The following ZDHHC1 variants were observed in gnomAD, a reference collection of about 807,000 sequenced individuals.
The protein encoded by ZDHHC1 is palmitoyltransferase ZDHHC1.
In ZDHHC1, 45 loss-of-function variants were observed where a neutral mutation model predicts 46.9. The observed-to-expected ratio is 0.96, with a 90% CI of 0.76 to 1.23. The LOEUF (loss-of-function observed/expected upper bound fraction) is 1.23, where lower values mean the gene tolerates loss of function less well. Ranked by LOEUF, ZDHHC1 falls within the 50% of genes most tolerant of loss-of-function variation. The pLI is 0.00. For missense variants in ZDHHC1, 649 were observed against 670.8 expected, an observed-to-expected ratio of 0.97 and a Z score of 0.36; for synonymous variants, 291 against 286.0, an observed-to-expected ratio of 1.02 and a Z score of -0.18.
chr16:67,400,813 T>C (rs1011640464), intron 4 of ZDHHC1, 144 bp downstream of exon 4: 3 of 909,152 alleles, frequency 3.3e-6, no homozygotes, highest in Non-Finnish European at 5.0e-6. Context: ...AGTAACCCAA[T>C]ACTCTGTCAC....
In ZDHHC1 at chr16:67,406,045, C is replaced by A. The variant is rs1018389236; in HGVS notation, c.252+155G>T. Among the ~76,000 whole-genome samples the A allele has an allele frequency of 2.6e-5, 4 of 152,174 alleles. No homozygotes were observed. The highest frequency in any genetic ancestry group is 6.5e-5 in the Admixed American group (1 of 15,284). On this transcript the variant is annotated intron_variant, in intron 3 of 11. Coordinates refer to ENST00000565726, the MANE Select transcript of ZDHHC1 (RefSeq NM_001323627.2). The surrounding 1 kb of genome is among the most constrained non-coding windows in gnomAD (Gnocchi z 4.1). ...AGGTCAGGTGGAGGCTGGAGACAGG[C>A]TGGGAAGCAGCAAGTCCCCAGGACT...
At chr16:67,409,801 C>G (rs947185478) in intron 1 of ZDHHC1, among the ~76,000 whole-genome samples, 1 of 152,226 alleles carries the variant, frequency 6.6e-6, no homozygotes, top group African/African-American at 2.4e-5. Flanking sequence ...CAGCACTTAT[C>G]GGAGCCCAGC....
rs1285758014 is a variant in ZDHHC1, at chr16:67,401,333, G to C, written c.253-201C>G. Among the ~76,000 whole-genome samples the C allele has an allele frequency of 6.6e-6, 1 of 152,226 alleles. No individual in the cohort carries two copies. The highest frequency in any genetic ancestry group is 2.4e-5 in the African/African-American group (1 of 41,468). ...CCTATGCCCCAAATGGAAAGAGGGA[G>C]AGGCCATCTAGGAAAGGAGTCCACA... On this transcript the variant is annotated intron_variant, in intron 3 of 11. Coordinates refer to ENST00000565726, the MANE Select transcript of ZDHHC1 (RefSeq NM_001323627.2). This position sits in a 1 kb window ranked among gnomAD's most constrained non-coding sequence, Gnocchi z 4.6.
chr16:67,412,511 T>G (rs2040763584), intron 1 of ZDHHC1, among the ~76,000 whole-genome samples: 1 of 152,188 alleles, frequency 6.6e-6, no homozygotes, highest in Non-Finnish European at 1.5e-5. Flanking sequence ...GTTTTCTCAC[T>G]CTTGAAAGCA....
chr16:67,415,557 G>A (rs949023080), intron 1 of ZDHHC1, among the ~76,000 whole-genome samples: 3 of 152,126 alleles, frequency 2.0e-5, no homozygotes, highest in African/African-American at 7.2e-5. Context: ...AGGAGTTCGA[G>A]AACAGCCTGG....
chr16:67,399,584 C>T (rs2040507794), intron 4 of ZDHHC1, 128 bp from the exon 5 acceptor site: 2 of 681,682 alleles, frequency 2.9e-6, no homozygotes, highest in Admixed American at 3.4e-5. Context: ...CCGAGCGAGG[C>T]GACGAGGAGC....
intron 1 of ZDHHC1, among the ~76,000 whole-genome samples, chr16:67,410,390 A>G (rs2040731294): frequency 6.6e-6 from 1 of 152,134 alleles, no homozygotes; most frequent in African/African-American, 2.4e-5. Context: ...TGTACCTTCT[A>G]CTGCCACAGA....
In ZDHHC1 at chr16:67,395,213, C is replaced by A; in HGVS notation, c.1078G>T (p.Ala360Ser). Residue 360 changes from alanine to serine, a missense_variant, in exon 10 of 12, where the codon GCC becomes TCC. Transcript: ENST00000565726. ...PPPPSSPDTL[A>S]LPPRIRPQKK... ...TGGGGTCGGATCCGGGGAGGCAGGG[C>A]GAGAGTGTCTGGGGAAGAGGGTGGT... 7 of 1,610,700 alleles carry A rather than the reference C, an allele frequency of 4.3e-6. No homozygotes were observed. The highest frequency in any genetic ancestry group is 5.9e-6 in the Non-Finnish European group (7 of 1,179,064).
At chr16:67,415,504 C>G (rs1280112704) in intron 1 of ZDHHC1, among the ~76,000 whole-genome samples, 1 of 152,020 alleles carries the variant, frequency 6.6e-6, no homozygotes, top group African/African-American at 2.4e-5. Context: ...CACCTGTAAT[C>G]CCAACGCTTT....
At chr16:67,399,329 C>T in intron 5 of ZDHHC1, 26 bp downstream of exon 5, 1 of 1,594,948 alleles carries the variant, frequency 6.3e-7, no homozygotes, top group East Asian at 2.2e-5. Flanking sequence ...CATCCCCAGG[C>T]CCGCGTGCGG....
chr16:67,411,662 A>G (rs541999822), intron 1 of ZDHHC1, among the ~76,000 whole-genome samples: 41 of 152,366 alleles, frequency 2.7e-4, no homozygotes, highest in Middle Eastern at 6.8e-3. Flanking sequence ...ACAAAAGACA[A>G]TACAAATAAA....
Position 67,395,494 on chromosome 16 carries a change from C to T in ZDHHC1, c.1000G>A (p.Val334Met). 6.4e-7 allele frequency: 1 copy of T among 1,553,802 alleles called. No homozygotes were observed. Among genetic ancestry groups the T allele is most frequent in the South Asian group, 1.2e-5 (1 of 84,184 alleles). ...CCAGGTTGCACTCACTTGGCATTCACTGCTGCTGGCCCGGCCTGGCCAGGG... is the reference window on the plus strand; with the variant it reads ...CCAGGTTGCACTCACTTGGCATTCATTGCTGCTGGCCCGGCCTGGCCAGGG... Reference protein sequence around the residue: ...EPPGQAGPAAVNANPSQFLAT... With the variant: ...EPPGQAGPAAMNANPSQFLAT... The change falls in exon 9 of 12, where the codon GTG becomes ATG. Residue 334 changes from valine (V) to methionine (M), a missense_variant. Val to Met is a conservative substitution (Grantham distance 21). Transcript: ENST00000565726.
intron 3 of ZDHHC1, chr16:67,404,816 G>A (rs1427927676): frequency 4.6e-6 from 2 of 433,286 alleles, no homozygotes; most frequent in Non-Finnish European, 9.4e-6. Context: ...GCACATGTAA[G>A]GGCTCAATAA....
chr16:67,407,709 G>T, intron 2 of ZDHHC1, 58 bp downstream of exon 2: 1 of 780,302 alleles, frequency 1.3e-6, no homozygotes, highest in Non-Finnish European at 2.4e-6. Context: ...AATGTGCTGG[G>T]TGGGGTTTAT....
chr16:67,395,684 GC>G, intron 8 of ZDHHC1, 118 bp from the exon 9 acceptor site: 1 of 998,930 alleles, frequency 1.0e-6, no homozygotes, highest in Non-Finnish European at 1.5e-6. Flanking sequence ...CAGGCCTCAT[GC>G]CAGGCTCCCA....
chr16:67,402,352 T>G (rs974413076), intron 3 of ZDHHC1, among the ~76,000 whole-genome samples: 3 of 152,174 alleles, frequency 2.0e-5, no homozygotes, highest in African/African-American at 7.2e-5. Context: ...TGACTGAAAT[T>G]CACTCCTCTG....
chr16:67,415,908 G>C (rs920720159), intron 1 of ZDHHC1, among the ~76,000 whole-genome samples: 13 of 152,254 alleles, frequency 8.5e-5, no homozygotes, highest in African/African-American at 2.6e-4. Context: ...CTTCCTTAAT[G>C]CTCTGGGTTC....
chr16:67,406,606 G>C lies in ZDHHC1; in HGVS notation c.10-164C>G, dbSNP rs1052324047. On this transcript the variant is annotated intron_variant, in intron 2 of 11. Transcript: ENST00000565726. The surrounding 1 kb of genome is among the most constrained non-coding windows in gnomAD (Gnocchi z 4.1). ...ACAATAGAGATGGGCAGTGGGGAGA[G>C]GGTGGGAGTGGGCTGCTGTCTCAAA... Among the ~76,000 whole-genome samples, 4 of 152,214 alleles carry C rather than the reference G, an allele frequency of 2.6e-5. No homozygotes were observed. Among genetic ancestry groups the C allele is most frequent in the Non-Finnish European group, 5.9e-5 (4 of 68,048 alleles).
At position 67,398,736 on chromosome 16, in the gene ZDHHC1, A is replaced by C; in HGVS notation, c.656-5T>G. On this transcript the variant is annotated splice_region_variant and splice_polypyrimidine_tract_variant and intron_variant, in intron 6 of 11. Transcript: ENST00000565726. ...CATCCGTGTGATTCTTCAGGACTGC[A>C]AGGCACAGGCAGTGTGTGCTCAGCC... 1 of 1,610,582 alleles carries C rather than the reference A, an allele frequency of 6.2e-7. No individual in the cohort carries two copies. Among genetic ancestry groups the C allele is most frequent in the Non-Finnish European group, 8.5e-7 (1 of 1,178,806 alleles).
Sources: allele counts gnomAD v4.1 joint callset (sites outside exome capture counted in the v4.1 genomes callset), GRCh38; gene constraint gnomAD v4.1.1; non-coding constraint Gnocchi (gnomAD v3.1); transcripts MANE v1.5; gene names NCBI Gene and HGNC (gene_info 2026-07-23, HGNC 2026-07-21).